Variants in SNRNP70 observed in about 807,000 individuals in gnomAD.
The protein encoded by SNRNP70 is U1 small nuclear ribonucleoprotein 70 kDa.
SNRNP70 carries 8 observed loss-of-function variants against 50.5 expected under a neutral mutation model. The observed-to-expected ratio is 0.16, with a 90% CI of 0.09 to 0.29. SNRNP70 has a LOEUF of 0.29. Ranked by LOEUF, SNRNP70 falls within the 10% of genes least tolerant of loss-of-function variation. The probability of loss-of-function intolerance (pLI) is 1.00; values close to 1 mark genes in which losing one functional copy is unlikely to be tolerated. For missense variants in SNRNP70, 529 were observed against 663.5 expected (o/e 0.80, Z 2.23); for synonymous variants, 320 against 252.9 (o/e 1.27, Z -2.52).
chr19:49,097,830 T>C (rs776310490), intron 4 of SNRNP70, among the ~76,000 whole-genome samples: 6 of 152,210 alleles, frequency 3.9e-5, no homozygotes, highest in Non-Finnish European at 8.8e-5. Flanking sequence ...GGAGTGAGAA[T>C]CTGATCTGAC....
At chr19:49,097,906 G>A (rs2040532872) in intron 4 of SNRNP70, among the ~76,000 whole-genome samples, 1 of 152,222 alleles carries the variant, frequency 6.6e-6, no homozygotes, top group Admixed American at 6.5e-5. Context: ...AGCTTACTTA[G>A]TGTTTGCTTT....
intron 4 of SNRNP70, among the ~76,000 whole-genome samples, chr19:49,093,687 A>C (rs1197395342): frequency 7.0e-6 from 1 of 141,870 alleles, no homozygotes; most frequent in Non-Finnish European, 1.6e-5. Context: ...TCAAAAAAAA[A>C]AAAAACAAAA....
At chr19:49,085,658 G>A (rs1473022726) in intron 1 of SNRNP70, 22 bp downstream of exon 1, 1 of 455,852 alleles carries the variant, frequency 2.2e-6, no homozygotes, top group Admixed American at 2.3e-5. Context: ...TGACTGAGTG[G>A]CCCGACGGGG....
intron 6 of SNRNP70, among the ~76,000 whole-genome samples, chr19:49,101,069 C>T (rs1348326544): frequency 6.6e-6 from 1 of 152,220 alleles, no homozygotes; most frequent in Non-Finnish European, 1.5e-5. Flanking sequence ...TGCCGAAGCG[C>T]ATCCCCAGCC....
At chr19:49,096,485 G>T (rs2040515372) in intron 4 of SNRNP70, among the ~76,000 whole-genome samples, 1 of 152,090 alleles carries the variant, frequency 6.6e-6, no homozygotes, top group African/African-American at 2.4e-5. Flanking sequence ...ATATTCTTAG[G>T]CCAGGTGCGG....
At chr19:49,089,001 C>A (rs904976632) in intron 2 of SNRNP70, among the ~76,000 whole-genome samples, 2 of 152,192 alleles carry the variant, frequency 1.3e-5, no homozygotes, top group Non-Finnish European at 2.9e-5. Context: ...GTGAGTGATA[C>A]TTGGAGCTGT....
intron 4 of SNRNP70, among the ~76,000 whole-genome samples, chr19:49,098,026 G>T (rs1186090045): frequency 6.6e-6 from 1 of 152,232 alleles, no homozygotes; most frequent in Non-Finnish European, 1.5e-5. Flanking sequence ...ACAGGAGGGA[G>T]CTCAGAACCT....
At position 49,107,783 on chromosome 19, in the gene SNRNP70, C is replaced by T. The variant is rs2040693053; in HGVS notation, c.666-12C>T. 1.2e-6 allele frequency: 2 copies of T among 1,610,222 alleles called. No homozygotes were observed. The highest frequency in any genetic ancestry group is 1.3e-5 in the African/African-American group (1 of 74,884). On this transcript the variant is annotated splice_polypyrimidine_tract_variant and intron_variant, in intron 9 of 9. Transcript: ENST00000598441. This position sits in a 1 kb window ranked among gnomAD's most constrained non-coding sequence, Gnocchi z 6.0. ...GGGAGCCCAGCCACACAGGTCTGCC[C>T]ACCTCATCCAGGCCCGGCCCCTCCC...
chr19:49,088,301 C>CAA (rs1459565907), intron 2 of SNRNP70, among the ~76,000 whole-genome samples: 3 of 144,576 alleles, frequency 2.1e-5, no homozygotes, highest in African/African-American at 5.2e-5. Flanking sequence ...CTCCCGGGTT[C>CAA]ATGCCATTCT....
At chr19:49,096,055 C>G (rs1600279776) in intron 4 of SNRNP70, among the ~76,000 whole-genome samples, 1 of 147,546 alleles carries the variant, frequency 6.8e-6, no homozygotes, top group African/African-American at 2.5e-5. Context: ...TAAGGTATGG[C>G]AAGGAACGTT....
chr19:49,087,734 G>T (rs926165166), intron 2 of SNRNP70: 5 of 152,222 alleles, frequency 3.3e-5, no homozygotes, highest in African/African-American at 1.2e-4. Context: ...AGGGCAGCTG[G>T]AGGCGAGGGA....
intron 1 of SNRNP70, 87 bp from the exon 2 acceptor site, chr19:49,086,318 C>T (rs1231704265): frequency 3.5e-6 from 5 of 1,423,226 alleles, no homozygotes; most frequent in Non-Finnish European, 3.8e-6. Flanking sequence ...TTTCTCCTGT[C>T]TTTCTTATTT....
Position 49,104,885 on chromosome 19 carries a change from C to T in SNRNP70, c.577+150C>T. ...TCCGGCTTCTCTCTCTTGTGGCCAT[C>T]ACATTTCTGACAGCTGCCTGCCTCC... On this transcript the variant is annotated intron_variant, in intron 8 of 9. Coordinates refer to ENST00000598441, the MANE Select transcript of SNRNP70 (RefSeq NM_003089.6). The surrounding 1 kb of genome is among the most constrained non-coding windows in gnomAD (Gnocchi z 5.4). 1 of 578,880 alleles carries T rather than the reference C, an allele frequency of 1.7e-6. No homozygotes were observed. Among genetic ancestry groups the T allele is most frequent in the South Asian group, 2.2e-5 (1 of 45,796 alleles). 35.9% of individuals were successfully genotyped at this position (578,880 alleles called of 1,614,324 possible). A position where few individuals can be genotyped will look rare whatever the true frequency, so the allele number is the denominator to read the frequency against.
chr19:49,103,292 C>T (rs1013798368), intron 7 of SNRNP70: 1 of 152,176 alleles, frequency 6.6e-6, no homozygotes, highest in African/African-American at 2.4e-5. Flanking sequence ...ACTCTAAGGC[C>T]TCCTTGAGAT....
chr19:49,086,177 G>A (rs769322212), intron 1 of SNRNP70, among the ~76,000 whole-genome samples: 4 of 151,994 alleles, frequency 2.6e-5, no homozygotes, highest in Non-Finnish European at 5.9e-5. Context: ...CACTCTTCAG[G>A]AACCCTTTTC....
chr19:49,090,694 T>C (rs1171775980), intron 4 of SNRNP70, 174 bp downstream of exon 4: 7 of 646,960 alleles, frequency 1.1e-5, no homozygotes, highest in Non-Finnish European at 1.9e-5. Flanking sequence ...TTTAGGCTTT[T>C]CAGCAGCAGA....
In SNRNP70 at chr19:49,107,923, G is replaced by A. The variant is rs899183007; in HGVS notation, c.794G>A (p.Arg265His). The change falls in exon 10 of 10, where the codon CGC (arginine) becomes CAC (histidine). Residue 265 changes from arginine to histidine, a missense_variant. By Grantham distance (29) the Arg-to-His change is conservative. Transcript: ENST00000598441. The surrounding 1 kb of genome is among the most constrained non-coding windows in gnomAD (Gnocchi z 6.0). ...TCCCGCTCCCGGGACCGGCGGAGGC[G>A]CTCACGGAGTCGCGACAAGGAGGAG... ...RRSRSRDRRR[R>H]SRSRDKEERR... 4 of 1,547,478 alleles carry A rather than the reference G, an allele frequency of 2.6e-6. No homozygotes were observed. The highest frequency in any genetic ancestry group is 1.4e-5 in the African/African-American group (1 of 72,882).
At chr19:49,095,401 T>C (rs2040500434) in intron 4 of SNRNP70, among the ~76,000 whole-genome samples, 1 of 152,266 alleles carries the variant, frequency 6.6e-6, no homozygotes. Flanking sequence ...TCATTAAATG[T>C]TAGCATCTTG....
chr19:49,102,541 C>A, intron 7 of SNRNP70: 1 of 202,298 alleles, frequency 4.9e-6, no homozygotes, highest in Non-Finnish European at 1.1e-5. Context: ...TCAGCCTTCC[C>A]TCCCTGCCCC....
Sources: gnomAD v4.1 joint callset for allele counts (sites outside exome capture counted in the v4.1 genomes callset) on GRCh38, gnomAD v4.1.1 for gene constraint, Gnocchi (gnomAD v3.1) non-coding constraint, MANE v1.5 for transcripts, NCBI Gene and HGNC (gene_info 2026-07-23, HGNC 2026-07-21) for gene names.